The following SLC5A1 variants were observed in gnomAD, a reference collection of about 807,000 sequenced individuals.
The protein encoded by SLC5A1 is sodium/glucose cotransporter 1.
SLC5A1 carries 42 observed loss-of-function variants against 73.5 expected under a neutral mutation model. The observed-to-expected ratio is 0.57, with a 90% CI of 0.45 to 0.74. SLC5A1 has a LOEUF of 0.74. Ranked by LOEUF, SLC5A1 falls within the 30% of genes least tolerant of loss-of-function variation. SLC5A1 has a pLI of 0.00. For synonymous variants in SLC5A1, 300 were observed against 317.4 expected (o/e 0.95, Z 0.58); for missense variants, 634 against 855.4 (o/e 0.74, Z 3.23).
At position 32,049,087 on chromosome 22, in the gene SLC5A1, A is replaced by T. The variant is rs1312539316; in HGVS notation, c.136-856A>T. 3.9e-5 allele frequency among the ~76,000 whole-genome samples: 5 copies of T among 128,184 alleles called. No individual in the cohort carries two copies. The East Asian group carries it at 8.1e-4, about 21-fold the overall frequency. 84.1% of individuals were successfully genotyped at this position (128,184 alleles called of 152,430 possible). On this transcript the variant is annotated intron_variant, in intron 1 of 14. Transcript: ENST00000266088. The stretch of plus-strand genomic sequence containing the variant: ...AGACTTTGTCTAAAATAAATAAATA[A>T]ATAAATATATATATATATATATATA...
intron 6 of SLC5A1, among the ~76,000 whole-genome samples, chr22:32,082,190 G>A (rs1249118661): frequency 6.6e-6 from 1 of 152,184 alleles, no homozygotes; most frequent in African/African-American, 2.4e-5. Flanking sequence ...AGTCAGGGCA[G>A]CTTCTCACAG....
At chr22:32,078,996 C>T (rs2093995445) in intron 5 of SLC5A1, among the ~76,000 whole-genome samples, 1 of 147,288 alleles carries the variant, frequency 6.8e-6, no homozygotes, top group African/African-American at 2.5e-5. Flanking sequence ...ACCTTGCTCT[C>T]TGTAGAAAAT....
chr22:32,049,111 T>TAA (rs1491241830), intron 1 of SLC5A1, among the ~76,000 whole-genome samples: 3 of 142,554 alleles, frequency 2.1e-5, no homozygotes, highest in South Asian at 2.1e-4. Flanking sequence ...TATATATATA[T>TAA]AATCATTATA....
chr22:32,107,926 C>A (rs2094049197), intron 14 of SLC5A1, among the ~76,000 whole-genome samples: 1 of 152,110 alleles, frequency 6.6e-6, no homozygotes, highest in Non-Finnish European at 1.5e-5. Context: ...TCACCACCAC[C>A]ACCACCACCA....
chr22:32,054,211 T>C (rs567542361), intron 2 of SLC5A1, among the ~76,000 whole-genome samples: 4 of 152,244 alleles, frequency 2.6e-5, no homozygotes, highest in Non-Finnish European at 4.4e-5. Flanking sequence ...ATCTCCAGCT[T>C]CTCCTCCTTA....
intron 3 of SLC5A1, among the ~76,000 whole-genome samples, 158 bp from the exon 4 acceptor site, chr22:32,067,809 T>C (rs926573409): frequency 2.6e-5 from 4 of 152,080 alleles, no homozygotes; most frequent in South Asian, 2.1e-4. Context: ...GCTATTTCCA[T>C]GGGTCAGTTA....
chr22:32,048,705 GCT>G (rs145117295), intron 1 of SLC5A1, among the ~76,000 whole-genome samples: 6,809 of 152,132 alleles, frequency 0.045, 204 homozygotes, highest in Non-Finnish European at 0.07. Context: ...CTGAAATACT[GCT>G]CTCTCTGTAA....
At chr22:32,074,353 A>C (rs945641988) in intron 5 of SLC5A1, among the ~76,000 whole-genome samples, 1 of 152,232 alleles carries the variant, frequency 6.6e-6, no homozygotes. Flanking sequence ...GCTGAGGGAC[A>C]GCCTCTTTCA....
At position 32,084,977 on chromosome 22, in the gene SLC5A1, G is replaced by A. The variant is rs202070786; in HGVS notation, c.963G>A (p.Lys321=). The change falls in exon 9 of 15, where the codon AAG becomes AAA. Residue 321 remains lysine (K), a synonymous_variant. Transcript: ENST00000266088. ...KGGCILCGYL[K]LMPMFIMVMP... The stretch of plus-strand genomic sequence containing the variant: ...GCTGCATCCTGTGTGGGTATCTAAA[G>A]CTGATGCCCATGTTCATCATGGTGA... The A allele has an allele frequency of 1.9e-6, 3 of 1,614,026 alleles. No individual in the cohort carries two copies. The highest frequency in any genetic ancestry group is 2.5e-6 in the Non-Finnish European group (3 of 1,179,862).
chr22:32,068,096 C>T, intron 4 of SLC5A1, 70 bp downstream of exon 4: 13 of 1,439,680 alleles, frequency 9.0e-6, no homozygotes, highest in Middle Eastern at 1.7e-4. Flanking sequence ...TCCTAGAGGG[C>T]AGAGGAGACA....
chr22:32,056,482 T>C lies in SLC5A1; in HGVS notation c.207+6468T>C, dbSNP rs549444418. 2.0e-5 allele frequency among the ~76,000 whole-genome samples: 3 copies of C among 149,212 alleles called. No individual in the cohort carries two copies. In the East Asian group the frequency reaches 5.9e-4, roughly 29 times the overall value. On this transcript the variant is annotated intron_variant, in intron 2 of 14. Coordinates refer to ENST00000266088, the MANE Select transcript of SLC5A1 (RefSeq NM_000343.4). ...AGCATAAGTATGTCCCATGCAATAT[T>C]CGGGACATACTTATGCTACAAATGT...
At chr22:32,050,563 G>A (rs1221170643) in intron 2 of SLC5A1, among the ~76,000 whole-genome samples, 1 of 152,218 alleles carries the variant, frequency 6.6e-6, no homozygotes, top group Non-Finnish European at 1.5e-5. Flanking sequence ...CTGGATAGAG[G>A]AGAGACTGGT....
chr22:32,096,844 T>C (rs2094027038), intron 11 of SLC5A1, among the ~76,000 whole-genome samples: 2 of 152,296 alleles, frequency 1.3e-5, no homozygotes, highest in African/African-American at 4.8e-5. Flanking sequence ...TATAGGCTGC[T>C]ACCTCATAGG....
intron 12 of SLC5A1, 107 bp from the exon 13 acceptor site, chr22:32,101,915 C>T: frequency 1.2e-6 from 1 of 853,424 alleles, no homozygotes; most frequent in Non-Finnish European, 2.0e-6. Flanking sequence ...GCTACCACTT[C>T]TCCTACCTCT....
chr22:32,090,310 C>T (rs1025456863), intron 10 of SLC5A1, among the ~76,000 whole-genome samples: 3 of 152,166 alleles, frequency 2.0e-5, no homozygotes, highest in Non-Finnish European at 2.9e-5. Flanking sequence ...CTATTTCACC[C>T]CAACCTCCCA....
chr22:32,060,138 TACAC>T (rs61008287), intron 2 of SLC5A1, among the ~76,000 whole-genome samples: 81,121 of 131,902 alleles, frequency 0.62, 24,740 homozygotes, highest in East Asian at 0.85. Context: ...CACATATATA[TACAC>T]ATACACACAC....
chr22:32,081,796 T>A, intron 5 of SLC5A1, 70 bp from the exon 6 acceptor site: 1 of 905,896 alleles, frequency 1.1e-6, no homozygotes, highest in Non-Finnish European at 1.9e-6. Context: ...AAATCAGGAG[T>A]AGAGAGACTA....
At position 32,043,542 on chromosome 22, in the gene SLC5A1, A is replaced by G. The variant is rs2093933113; in HGVS notation, c.135+126A>G. ...AGGGGAGAGGAAATGACTTGGAAGC[A>G]CTTTAGAAGCACTCAGAGGCACAGC... On this transcript the variant is annotated intron_variant, in intron 1 of 14. Transcript: ENST00000266088. This position sits in a 1 kb window ranked among gnomAD's most constrained non-coding sequence, Gnocchi z 6.5. The G allele has an allele frequency of 3.9e-6, 4 of 1,024,030 alleles. No individual in the cohort carries two copies. In the South Asian group the frequency reaches 4.1e-5, roughly 10 times the overall value. The allele number at this position is 1,024,030 out of a possible 1,614,324, so 63.4% of individuals were successfully genotyped here. A position where few individuals can be genotyped will look rare whatever the true frequency, so the allele number is the denominator to read the frequency against.
In SLC5A1 at chr22:32,043,381, A is replaced by T. The variant is rs1213917458; in HGVS notation, c.100A>T (p.Ile34Phe). 1 of 1,614,082 alleles carries T rather than the reference A, an allele frequency of 6.2e-7. No homozygotes were observed. The highest frequency in any genetic ancestry group is 8.5e-7 in the Non-Finnish European group (1 of 1,180,020). ...TGCAGCCGATATCTCCATCATCGTT[A>T]TCTACTTCGTGGTAGTGATGGCCGT... Reference protein sequence around the residue: ...RNAADISIIVIYFVVVMAVGL... With the variant: ...RNAADISIIVFYFVVVMAVGL... Residue 34 changes from isoleucine to phenylalanine, a missense_variant, in exon 1 of 15, where the codon ATC becomes TTC. Coordinates refer to ENST00000266088, the MANE Select transcript of SLC5A1 (RefSeq NM_000343.4). The surrounding 1 kb of genome is among the most constrained non-coding windows in gnomAD (Gnocchi z 6.5).
Sources: gnomAD v4.1 joint callset for allele counts (sites outside exome capture counted in the v4.1 genomes callset) on GRCh38, gnomAD v4.1.1 for gene constraint, Gnocchi (gnomAD v3.1) non-coding constraint, MANE v1.5 for transcripts, NCBI Gene and HGNC (gene_info 2026-07-23, HGNC 2026-07-21) for gene names.